Variants in TMCO1 observed in about 807,000 individuals in gnomAD.
TMCO1 encodes the protein calcium load-activated calcium channel.
TMCO1 carries 29 observed loss-of-function variants against 29.3 expected under a neutral mutation model. The ratio of observed to expected loss-of-function variants is 0.99; its 90% CI spans 0.74 to 1.35. TMCO1 has a LOEUF of 1.35. Among genes scored for constraint, TMCO1 ranks in the 40% most tolerant of loss-of-function variants. TMCO1 has a pLI of 0.00. For missense variants in TMCO1, 173 were observed against 225.5 expected (o/e 0.77, Z 1.49); for synonymous variants, 80 against 77.1 (o/e 1.04, Z -0.20).
At chr1:165,725,975 A>C (rs1383767042), downstream of TMCO1, 3 of 676,400 alleles carry the variant, frequency 4.4e-6, no homozygotes, top group Non-Finnish European at 8.1e-6. Flanking sequence ...TAATTTGTAT[A>C]TGAAAACCTG....
chr1:165,763,183 C>T (rs1172888644), intron 2 of TMCO1, among the ~76,000 whole-genome samples: 3 of 152,176 alleles, frequency 2.0e-5, no homozygotes, highest in Admixed American at 2.0e-4. Context: ...ACAAACTTCC[C>T]TTGCTTAAAT....
At chr1:165,730,165 C>CAAAAAAAAA (rs572104283) in intron 6 of TMCO1, among the ~76,000 whole-genome samples, 46 of 102,728 alleles carry the variant, frequency 4.5e-4, no homozygotes, top group African/African-American at 6.9e-4. Context: ...ACTAAAAATA[C>CAAAAAAAAA]ACACACACAA....
At chr1:165,725,814 T>C (rs541363002), downstream of TMCO1, 2 of 466,936 alleles carry the variant, frequency 4.3e-6, no homozygotes, top group East Asian at 6.5e-5. Flanking sequence ...CTGTAATATA[T>C]CTTTGTTATT....
At chr1:165,752,056 T>C (rs752133483) in intron 5 of TMCO1, 46 bp downstream of exon 5, 4 of 1,422,158 alleles carry the variant, frequency 2.8e-6, no homozygotes, top group Admixed American at 1.7e-5. Context: ...TACATACAAA[T>C]ATAGAGTAAT....
Position 165,727,975 on chromosome 1 carries a change from ATG to A in TMCO1, c.*46_*47del. On this transcript the variant is annotated 3_prime_UTR_variant, in exon 7 of 7. Transcript: ENST00000367881. ...TTGCTACAAAACAGTTGCCAGTCTG[ATG>A]TGTGTGTGTCTAGAAAGAATGATAG... 56 of 1,406,636 alleles carry A rather than the reference ATG, an allele frequency of 4.0e-5. No homozygotes were observed. Among genetic ancestry groups the A allele is most frequent in the Non-Finnish European group, 4.4e-5 (44 of 1,003,370 alleles). 87.1% of individuals were successfully genotyped at this position (1,406,636 alleles called of 1,614,324 possible). A position where few individuals can be genotyped will look rare whatever the true frequency, so the allele number is the denominator to read the frequency against.
chr1:165,737,121 A>G (rs1468907862), intron 6 of TMCO1, among the ~76,000 whole-genome samples: 1 of 152,228 alleles, frequency 6.6e-6, no homozygotes, highest in African/African-American at 2.4e-5. Context: ...CAAGGTTTTT[A>G]AAGCAGCTAA....
At chr1:165,747,008 C>A (rs1232598962) in intron 5 of TMCO1, among the ~76,000 whole-genome samples, 1 of 152,062 alleles carries the variant, frequency 6.6e-6, no homozygotes, top group Non-Finnish European at 1.5e-5. Context: ...CGCCTGTAAT[C>A]CCAGCATTTT....
At chr1:165,761,584 T>G (rs756233283) in intron 2 of TMCO1, among the ~76,000 whole-genome samples, 4 of 151,620 alleles carry the variant, frequency 2.6e-5, no homozygotes, top group Non-Finnish European at 5.9e-5. Flanking sequence ...GAGAGAAAGA[T>G]TTTGAATGAA....
intron 2 of TMCO1, among the ~76,000 whole-genome samples, chr1:165,767,889 G>A (rs79158782): frequency 0.012 from 1,885 of 152,168 alleles, 47 homozygotes; most frequent in African/African-American, 0.044. Flanking sequence ...GCCCAGGCTG[G>A]TGTCAAACCC....
chr1:165,736,877 C>T (rs576119587), intron 6 of TMCO1, among the ~76,000 whole-genome samples: 1 of 152,180 alleles, frequency 6.6e-6, no homozygotes, highest in South Asian at 2.1e-4. Context: ...TCACAGCTTA[C>T]CACAAACCCG....
downstream of TMCO1, chr1:165,724,736 C>T (rs1401765335): frequency 4.4e-6 from 2 of 452,978 alleles, no homozygotes; most frequent in Non-Finnish European, 8.8e-6. Context: ...CAAAAAACTG[C>T]AAAAATTTTT....
Position 165,754,227 on chromosome 1 carries a change from C to T in TMCO1, c.255+1G>A, listed in dbSNP as rs1245910870. 1.2e-6 allele frequency: 2 copies of T among 1,609,598 alleles called. No individual in the cohort carries two copies. Among genetic ancestry groups the T allele is most frequent in the Admixed American group, 3.3e-5 (2 of 60,014 alleles). ...CATGAAGTTATAGTTAGGTCTCTTA[C>T]CATTGATAGATCTCTGTTGTTATTC... On this transcript the variant is annotated splice_donor_variant, in intron 4 of 6. Coordinates refer to ENST00000367881, the MANE Select transcript of TMCO1 (RefSeq NM_019026.6). LOFTEE classifies it high-confidence loss of function.
At chr1:165,725,859 G>T, downstream of TMCO1, 1 of 508,954 alleles carries the variant, frequency 2.0e-6, no homozygotes, top group Non-Finnish European at 3.8e-6. Context: ...TACATAAGCA[G>T]AACATATTTG....
At chr1:165,747,078 T>C (rs886979340) in intron 5 of TMCO1, among the ~76,000 whole-genome samples, 11 of 152,134 alleles carry the variant, frequency 7.2e-5, no homozygotes, top group African/African-American at 2.2e-4. Context: ...CTGGCCAACA[T>C]GGTGAAACCC....
rs73022528 is a variant in TMCO1, at chr1:165,744,812, A to C, written c.324-1501T>G. 2.1e-4 allele frequency among the ~76,000 whole-genome samples: 29 copies of C among 138,666 alleles called. 1 individual carries two copies. Among genetic ancestry groups the C allele is most frequent in the African/African-American group, 6.2e-4 (23 of 37,312 alleles). 91.0% of individuals were successfully genotyped at this position (138,666 alleles called of 152,430 possible). On this transcript the variant is annotated intron_variant, in intron 5 of 6. Transcript: ENST00000367881. ...TCTCAAAAAAAAAAAAAAAAAAAAA[A>C]TTTCAATTCTAAAATCCTGTTATTT... is the stretch of plus-strand genomic sequence containing the variant.
chr1:165,747,267 C>CAAAAA (rs137894882), intron 5 of TMCO1, among the ~76,000 whole-genome samples: 1 of 81,970 alleles, frequency 1.2e-5, no homozygotes, highest in African/African-American at 5.0e-5. Context: ...GGCTCTGTCT[C>CAAAAA]AAAAAAAAAA....
chr1:165,734,569 T>A (rs1309864556), intron 6 of TMCO1, among the ~76,000 whole-genome samples: 3 of 152,180 alleles, frequency 2.0e-5, no homozygotes, highest in Admixed American at 2.0e-4. Flanking sequence ...AGTGGTGTGA[T>A]CTCAGCTCAC....
chr1:165,726,326 C>T (rs1168584634), downstream of TMCO1: 8 of 688,806 alleles, frequency 1.2e-5, no homozygotes, highest in South Asian at 1.2e-4. Flanking sequence ...TGCTGTGTTT[C>T]CACCCACGTT....
At position 165,727,266 on chromosome 1, in the gene TMCO1, AC is replaced by A. The variant is rs1650934972; in HGVS notation, c.*756del. Reference sequence around the variant, plus strand: ...TAGGATATGAAGAGAACAGCTGAGGACCCTCATTTTTATTTATTTATTTATA... The same window carrying A: ...TAGGATATGAAGAGAACAGCTGAGGACCTCATTTTTATTTATTTATTTATA... On this transcript the variant is annotated 3_prime_UTR_variant, in exon 7 of 7. Coordinates refer to ENST00000367881, the MANE Select transcript of TMCO1 (RefSeq NM_019026.6). The A allele has an allele frequency of 4.5e-6, 2 of 446,638 alleles. No individual in the cohort carries two copies. Among genetic ancestry groups the A allele is most frequent in the Admixed American group, 4.8e-5 (2 of 41,854 alleles). 27.7% of individuals were successfully genotyped at this position (446,638 alleles called of 1,614,324 possible). A position where few individuals can be genotyped will look rare whatever the true frequency, so the allele number is the denominator to read the frequency against.
Sources: gnomAD v4.1 joint callset for allele counts (sites outside exome capture counted in the v4.1 genomes callset) on GRCh38, gnomAD v4.1.1 for gene constraint, MANE v1.5 for transcripts, NCBI Gene and HGNC (gene_info 2026-07-23, HGNC 2026-07-21) for gene names.